The following MAGI1 variants were observed in gnomAD, a reference collection of about 807,000 sequenced individuals.
MAGI1 encodes membrane-associated guanylate kinase, WW and PDZ domain-containing protein 1.
MAGI1 carries 58 observed loss-of-function variants against 139.9 expected under a neutral mutation model. That is an observed-to-expected ratio of 0.41 (90% CI 0.34 to 0.52). The LOEUF (loss-of-function observed/expected upper bound fraction) is 0.52. Among genes scored for constraint, MAGI1 ranks in the 20% least tolerant of loss-of-function variants. The pLI, the probability that MAGI1 is intolerant of heterozygous loss-of-function variation, is 0.12. For synonymous variants in MAGI1, 812 were observed against 737.9 expected, an observed-to-expected ratio of 1.10 and a Z score of -1.63; for missense variants, 1,874 against 1,901.6, an observed-to-expected ratio of 0.99 and a Z score of 0.27.
chr3:65,930,272 C>G (rs1178222149), intron 1 of MAGI1, among the ~76,000 whole-genome samples: 1 of 135,232 alleles, frequency 7.4e-6, no homozygotes, highest in African/African-American at 2.8e-5. Flanking sequence ...GCCGAGATAG[C>G]GCCACTGCAC....
intron 2 of MAGI1, among the ~76,000 whole-genome samples, chr3:65,544,389 A>G (rs1185159390): frequency 6.6e-6 from 1 of 152,122 alleles, no homozygotes; most frequent in South Asian, 2.1e-4. Flanking sequence ...GGGATCTCAG[A>G]AAGAGGAGAT....
chr3:65,358,994 G>A (rs1159153340), intron 22 of MAGI1: 2 of 1,358,236 alleles, frequency 1.5e-6, no homozygotes, highest in Non-Finnish European at 2.1e-6. Flanking sequence ...TATCAAAACA[G>A]AGCTAAGCAG....
chr3:65,891,885 AATAT>A lies in MAGI1; in HGVS notation c.313+146107_313+146110del, dbSNP rs55826911. Among the ~76,000 whole-genome samples the A allele has an allele frequency of 3.4e-3, 126 of 37,488 alleles. 6 individuals carry two copies. The highest frequency in any genetic ancestry group is 5.0e-3 in the Admixed American group (12 of 2,382). 24.6% of individuals were successfully genotyped at this position (37,488 alleles called of 152,430 possible). The stretch of plus-strand genomic sequence containing the variant: ...AAATGTACCCTAGAACTTAAAGTAT[AATAT>A]ATATATATATATATATATATATATA... On this transcript the variant is annotated intron_variant, in intron 1 of 22. Coordinates refer to ENST00000402939, the MANE Select transcript of MAGI1 (RefSeq NM_001033057.2).
At chr3:65,767,420 C>T (rs966235215) in intron 1 of MAGI1, among the ~76,000 whole-genome samples, 1 of 151,640 alleles carries the variant, frequency 6.6e-6, no homozygotes, top group Non-Finnish European at 1.5e-5. Context: ...GCCTGGCCAA[C>T]ATGGTGAAAT....
chr3:65,864,548 C>T (rs1345096098), intron 1 of MAGI1, among the ~76,000 whole-genome samples: 1 of 152,358 alleles, frequency 6.6e-6, no homozygotes. Context: ...CACACAGCTA[C>T]ACTGGCCACA....
chr3:65,448,411 C>A (rs555927459), intron 6 of MAGI1, among the ~76,000 whole-genome samples: 112 of 152,216 alleles, frequency 7.4e-4, no homozygotes, highest in African/African-American at 2.7e-3. Context: ...AGCTGTTAGA[C>A]CTTTCATTAT....
chr3:65,676,844 G>A (rs536996592), intron 1 of MAGI1, among the ~76,000 whole-genome samples: 3 of 152,130 alleles, frequency 2.0e-5, no homozygotes, highest in Non-Finnish European at 4.4e-5. Flanking sequence ...TTTCTGGAGG[G>A]ACACTATTGT....
intron 1 of MAGI1, among the ~76,000 whole-genome samples, chr3:65,942,684 G>A (rs1351014366): frequency 6.6e-6 from 1 of 152,178 alleles, no homozygotes; most frequent in African/African-American, 2.4e-5. Flanking sequence ...ACACCCTAGA[G>A]GGTTGTTATG....
intron 1 of MAGI1, among the ~76,000 whole-genome samples, chr3:65,625,895 C>T (rs1216302086): frequency 6.6e-6 from 1 of 152,194 alleles, no homozygotes; most frequent in Non-Finnish European, 1.5e-5. Context: ...CATTAATAAA[C>T]ATTTAGTGTG....
At chr3:65,466,275 T>A (rs1298504134) in intron 5 of MAGI1, among the ~76,000 whole-genome samples, 5 of 152,194 alleles carry the variant, frequency 3.3e-5, no homozygotes, top group African/African-American at 1.2e-4. Context: ...CATTTTGATA[T>A]CTTCCTGATT....
At position 65,364,684 on chromosome 3, in the gene MAGI1, T is replaced by C; in HGVS notation, c.3332A>G (p.Lys1111Arg). The part of the protein sequence containing the change: ...KPKQESQFEF[K>R]APQATQEQDF... The stretch of plus-strand genomic sequence containing the variant: ...GCTCACCTGTGTTGCTTGGGGTGCT[T>C]TGAACTCAAATTGAGATTCCTGCTT... The change falls in exon 20 of 23, where the codon AAA becomes AGA. Residue 1111 changes from lysine to arginine, a missense_variant. Lys to Arg is a conservative substitution (Grantham distance 26, BLOSUM62 2). Transcript: ENST00000402939. 1.9e-6 allele frequency: 3 copies of C among 1,614,092 alleles called. No homozygotes were observed. Among genetic ancestry groups the C allele is most frequent in the African/African-American group, 1.3e-5 (1 of 75,046 alleles).
chr3:65,439,475 T>C (rs1244311938), intron 9 of MAGI1, among the ~76,000 whole-genome samples: 1 of 152,174 alleles, frequency 6.6e-6, no homozygotes, highest in Non-Finnish European at 1.5e-5. Flanking sequence ...CAGCTCTTTC[T>C]GATTCTTTAC....
chr3:65,379,960 T>C (rs3755612), intron 16 of MAGI1, among the ~76,000 whole-genome samples: 6,985 of 152,294 alleles, frequency 0.046, 651 homozygotes, highest in East Asian at 0.31. Context: ...AGATACAACC[T>C]TGGATGCACG....
At chr3:65,367,717 T>C (rs1308476988) in intron 18 of MAGI1, among the ~76,000 whole-genome samples, 1 of 152,216 alleles carries the variant, frequency 6.6e-6, no homozygotes, top group African/African-American at 2.4e-5. Context: ...CAGGTGGAGA[T>C]ACTGGGAATT....
chr3:65,931,739 C>A (rs1348637793), intron 1 of MAGI1, among the ~76,000 whole-genome samples: 1 of 152,106 alleles, frequency 6.6e-6, no homozygotes, highest in Admixed American at 6.5e-5. Flanking sequence ...AACAGTTCCG[C>A]TATTATTCCT....
chr3:65,849,781 C>G lies in MAGI1; in HGVS notation c.313+188215G>C, dbSNP rs199638014. Among the ~76,000 whole-genome samples the G allele has an allele frequency of 4.8e-4, 73 of 152,108 alleles. 1 individual carries two copies. The Middle Eastern group carries it at 0.01, about 21-fold the overall frequency. On this transcript the variant is annotated intron_variant, in intron 1 of 22. Transcript: ENST00000402939. ...ACTGTGTATTTTTCATCACATCTAA[C>G]GAAGGAAGAACATTAACTGAGCTAA...
intron 2 of MAGI1, among the ~76,000 whole-genome samples, chr3:65,502,931 G>A (rs1403658781): frequency 2.0e-5 from 3 of 150,532 alleles, no homozygotes; most frequent in Non-Finnish European, 2.9e-5. Flanking sequence ...GTTAGAAAAC[G>A]AACAGTGGAG....
rs748558147 is a variant in MAGI1, at chr3:65,401,449, C to T, written c.2189G>A (p.Ser730Asn). 20 of 1,400,050 alleles carry T rather than the reference C, an allele frequency of 1.4e-5. No individual in the cohort carries two copies. The highest frequency in any genetic ancestry group is 7.6e-5 in the Admixed American group (4 of 52,586). 86.7% of individuals were successfully genotyped at this position (1,400,050 alleles called of 1,614,324 possible). ...QRGGLPVPKK[S>N]PKSQPLERKD... Reference sequence around the variant, plus strand: ...CTGACAAGTCCTTACCGACTTTGGGCTCTTCTTGGGAACTGGCAGCCCTGG... The same window carrying T: ...CTGACAAGTCCTTACCGACTTTGGGTTCTTCTTGGGAACTGGCAGCCCTGG... Residue 730 changes from serine (S) to asparagine (N), a missense_variant, in exon 13 of 23, where the codon AGC becomes AAC. By Grantham distance (46) the Ser-to-Asn change is conservative. This residue lies in a region of MAGI1 where 482 missense variants were observed against 509.6 expected (regional missense o/e 0.95). Transcript: ENST00000402939.
intron 1 of MAGI1, among the ~76,000 whole-genome samples, chr3:66,007,278 T>C (rs982693658): frequency 2.6e-5 from 4 of 152,216 alleles, no homozygotes; most frequent in East Asian, 1.9e-4. Context: ...TTCTATCTCA[T>C]TGTCTCCTTT....
Sources: allele counts gnomAD v4.1 joint callset (sites outside exome capture counted in the v4.1 genomes callset), GRCh38; gene constraint gnomAD v4.1.1; regional missense constraint gnomAD v4.1.1; transcripts MANE v1.5; gene names NCBI Gene and HGNC (gene_info 2026-07-23, HGNC 2026-07-21).